Variants in AXIN2 observed in about 807,000 individuals in gnomAD.
The protein encoded by AXIN2 is axin 2.
Under a neutral mutation model 74.7 loss-of-function variants are expected in AXIN2, and 21 were observed. The observed-to-expected ratio is 0.28, with a 90% CI of 0.20 to 0.40. The LOEUF is 0.40. Ranked by LOEUF, AXIN2 falls within the 10% of genes least tolerant of loss-of-function variation. AXIN2 has a pLI of 1.00. For synonymous variants in AXIN2, 532 were observed against 454.9 expected, an observed-to-expected ratio of 1.17 and a Z score of -2.16; for missense variants, 1,144 against 1,111.1, an observed-to-expected ratio of 1.03 and a Z score of -0.42.
chr17:65,539,144 C>G (rs568288332), intron 4 of AXIN2, among the ~76,000 whole-genome samples: 2 of 152,282 alleles, frequency 1.3e-5, no homozygotes, highest in African/African-American at 4.8e-5. Flanking sequence ...CCCCTGCTGC[C>G]CAGCTTTCTG....
intron 4 of AXIN2, among the ~76,000 whole-genome samples, 154 bp from the exon 5 acceptor site, chr17:65,538,497 T>C (rs909858027): frequency 1.3e-5 from 2 of 151,884 alleles, no homozygotes; most frequent in Admixed American, 6.6e-5. Context: ...TCGGGACTTT[T>C]ATGCGCTAGC....
chr17:65,537,859 A>G (rs1490961425), intron 5 of AXIN2, 24 bp from the exon 6 acceptor site: 1 of 1,524,940 alleles, frequency 6.6e-7, no homozygotes, highest in East Asian at 2.3e-5. Flanking sequence ...CGTCAGAAGG[A>G]GAAGTGACCC....
rs551058477 is a variant in AXIN2, at chr17:65,560,066, G to C, written c.-116-1330C>G. 672 of 152,358 alleles carry C rather than the reference G, an allele frequency of 4.4e-3. 4 individuals are homozygous for C. Among genetic ancestry groups the C allele is most frequent in the Admixed American group, 8.0e-3 (123 of 15,312 alleles). The allele number at this position is 152,358 out of a possible 1,614,324, so 9.4% of individuals were successfully genotyped here. A position where few individuals can be genotyped will look rare whatever the true frequency, so the allele number is the denominator to read the frequency against. On this transcript the variant is annotated intron_variant, in intron 1 of 10. Transcript: ENST00000307078. The stretch of plus-strand genomic sequence containing the variant: ...TCCAGAGCCCTGGCGGGCACACCTC[G>C]AGGCCGGAACCCCGGGACACGCCAG...
intron 3 of AXIN2, among the ~76,000 whole-genome samples, chr17:65,544,393 C>G (rs923216557): frequency 6.8e-6 from 1 of 147,386 alleles, no homozygotes; most frequent in Non-Finnish European, 1.5e-5. Context: ...CCACCACCAC[C>G]ACCACACACA....
At position 65,537,690 on chromosome 17, in the gene AXIN2, G is replaced by C. The variant is rs1247527031; in HGVS notation, c.1346C>G (p.Thr449Ser). The C allele has an allele frequency of 2.6e-6, 4 of 1,557,422 alleles. No homozygotes were observed. Among genetic ancestry groups the C allele is most frequent in the Non-Finnish European group, 3.5e-6 (4 of 1,151,338 alleles). ...LDDHLSRVLKTPGCQSPGVGR... is the reference protein window; with the variant it reads ...LDDHLSRVLKSPGCQSPGVGR... ...TACGCCTGGAGACTGGCAGCCAGGG[G>C]TCTTGAGGACCCTGGACAGGTGATC... is the stretch of plus-strand genomic sequence containing the variant. Residue 449 changes from threonine (T) to serine (S), a missense_variant, in exon 6 of 11, where the codon ACC becomes AGC. Thr to Ser is a moderately conservative substitution (Grantham distance 58). Coordinates refer to ENST00000307078, the MANE Select transcript of AXIN2 (RefSeq NM_004655.4).
Position 65,558,607 on chromosome 17 carries a change from A to C in AXIN2, c.14T>G (p.Met5Arg), listed in dbSNP as rs730881397. ...GGGGTCCGGGAGGCAAGTCACCAACATAGCGCTACTCATGGTGAGGGAGCT... is the reference window on the plus strand; with the variant it reads ...GGGGTCCGGGAGGCAAGTCACCAACCTAGCGCTACTCATGGTGAGGGAGCT... MSSA[M>R]LVTCLPDPSS... The change falls in exon 2 of 11, where the codon ATG (methionine) becomes AGG (arginine). Residue 5 changes from methionine to arginine, a missense_variant. By Grantham distance (91) the Met-to-Arg change is moderately conservative (BLOSUM62 -1). Transcript: ENST00000307078. The C allele has an allele frequency of 6.2e-7, 1 of 1,607,790 alleles. No homozygotes were observed. The highest frequency in any genetic ancestry group is 8.5e-7 in the Non-Finnish European group (1 of 1,179,962).
In AXIN2 at chr17:65,534,065, T is replaced by C; in HGVS notation, c.2252A>G (p.Lys751Arg). 9 of 1,614,260 alleles carry C rather than the reference T, an allele frequency of 5.6e-6. No homozygotes were observed. Among genetic ancestry groups the C allele is most frequent in the Non-Finnish European group, 7.6e-6 (9 of 1,180,052 alleles). ...GAGCGCGTGGACACCTGCCAGTTTC[T>C]TTGGCTCTTTGTGACTGAAAATAAG... ...SLAPEDHKEP[K>R]KLAGVHALQA... Residue 751 changes from lysine to arginine, a missense_variant, in exon 10 of 11, where the codon AAG (lysine) becomes AGG (arginine). Coordinates refer to ENST00000307078, the MANE Select transcript of AXIN2 (RefSeq NM_004655.4).
intron 4 of AXIN2, among the ~76,000 whole-genome samples, chr17:65,539,684 A>G (rs562775761): frequency 6.6e-6 from 1 of 152,376 alleles, no homozygotes; most frequent in South Asian, 2.1e-4. Context: ...GAAGAGCTAT[A>G]GTTTGTGCAC....
rs1282733756 is a variant in AXIN2 at position 65,533,897 on chromosome 17, C to T, written c.2405+15G>A. Reference sequence around the variant, plus strand: ...CAAACAAACTGAGAGCAGAAAAAAGCCACAGGACTCTTACCTATAATTTCC... The same window carrying T: ...CAAACAAACTGAGAGCAGAAAAAAGTCACAGGACTCTTACCTATAATTTCC... On this transcript the variant is annotated intron_variant, in intron 10 of 10. Transcript: ENST00000307078. The T allele has an allele frequency of 5.7e-6, 9 of 1,568,624 alleles. No homozygotes were observed. The South Asian group carries it at 8.8e-5, about 15-fold the overall frequency.
At chr17:65,548,352 G>A (rs1339557089) in intron 3 of AXIN2, among the ~76,000 whole-genome samples, 1 of 152,178 alleles carries the variant, frequency 6.6e-6, no homozygotes, top group Non-Finnish European at 1.5e-5. Flanking sequence ...CCACAGGCCA[G>A]GCAACAGGAC....
intron 10 of AXIN2, among the ~76,000 whole-genome samples, chr17:65,530,815 A>C (rs1229816173): frequency 6.6e-6 from 1 of 151,812 alleles, no homozygotes; most frequent in Non-Finnish European, 1.5e-5. Flanking sequence ...AGGGTCAAAC[A>C]CCAAAGGCCC....
intron 1 of AXIN2, 54 bp from the exon 2 acceptor site, chr17:65,558,790 A>C: frequency 2.9e-6 from 2 of 690,176 alleles, no homozygotes; most frequent in Non-Finnish European, 5.0e-6. Flanking sequence ...TATTGATCTA[A>C]TCAAAACCAG....
At chr17:65,541,764 T>C (rs941653187) in intron 3 of AXIN2, among the ~76,000 whole-genome samples, 2 of 152,354 alleles carry the variant, frequency 1.3e-5, no homozygotes, top group Admixed American at 6.5e-5. Context: ...CAATCATCTA[T>C]GGAAACTTGG....
chr17:65,542,324 G>A (rs1336890392), intron 3 of AXIN2, among the ~76,000 whole-genome samples: 1 of 152,218 alleles, frequency 6.6e-6, no homozygotes. Flanking sequence ...AGGCAAGAGA[G>A]CAGTAGACAA....
intron 3 of AXIN2, among the ~76,000 whole-genome samples, chr17:65,546,142 C>T (rs531547220): frequency 5.4e-5 from 8 of 149,356 alleles, no homozygotes; most frequent in South Asian, 2.2e-4. Context: ...GCCATTGTGA[C>T]GGGAGAAACA....
chr17:65,529,058 G>A lies in AXIN2; in HGVS notation c.*918C>T, dbSNP rs551295186. On this transcript the variant is annotated 3_prime_UTR_variant, in exon 11 of 11. Coordinates refer to ENST00000307078, the MANE Select transcript of AXIN2 (RefSeq NM_004655.4). ...CAGGGGGTAGTTCCTGAATGGCTGT[G>A]GTCCAATGACTAATGTAAAACAAAA... is the stretch of plus-strand genomic sequence containing the variant. 3.8e-5 allele frequency: 9 copies of A among 236,042 alleles called. No homozygotes were observed. The highest frequency in any genetic ancestry group is 6.6e-5 in the African/African-American group (3 of 45,326). The allele number at this position is 236,042 out of a possible 1,614,324, so 14.6% of individuals were successfully genotyped here.
At chr17:65,559,018 G>A (rs532480298) in intron 1 of AXIN2, among the ~76,000 whole-genome samples, 5 of 152,190 alleles carry the variant, frequency 3.3e-5, no homozygotes, top group Middle Eastern at 3.4e-3. Context: ...GCTGGGGACG[G>A]CAGGGGGACA....
At position 65,529,447 on chromosome 17, in the gene AXIN2, T is replaced by C. The variant is rs1160405822; in HGVS notation, c.*529A>G. The C allele has an allele frequency of 1.1e-5, 3 of 268,478 alleles. No homozygotes were observed. Among genetic ancestry groups the C allele is most frequent in the Non-Finnish European group, 2.2e-5 (3 of 138,800 alleles). The allele number at this position is 268,478 out of a possible 1,614,324, so 16.6% of individuals were successfully genotyped here. A position where few individuals can be genotyped will look rare whatever the true frequency, so the allele number is the denominator to read the frequency against. On this transcript the variant is annotated 3_prime_UTR_variant, in exon 11 of 11. Transcript: ENST00000307078. ...TCTGTCTTCACTTGGAGGGACGTAG[T>C]GCAAAGCATAATTCCTCTGTTAGTG... is the stretch of plus-strand genomic sequence containing the variant.
rs201531372 is a variant in AXIN2, at chr17:65,557,998, G to T, written c.623C>A (p.Ala208Asp). The T allele has an allele frequency of 1.9e-6, 3 of 1,614,160 alleles. No individual in the cohort carries two copies. The highest frequency in any genetic ancestry group is 2.5e-6 in the Non-Finnish European group (3 of 1,180,042). The change falls in exon 2 of 11, where the codon GCT (alanine) becomes GAT (aspartate). Residue 208 changes from alanine to aspartate, a missense_variant. Physicochemically the swap from Ala to Asp is moderately radical, Grantham distance 126 (BLOSUM62 -2). Coordinates refer to ENST00000307078, the MANE Select transcript of AXIN2 (RefSeq NM_004655.4). ...EYVRSGGENTAYMSNGGLGSL... is the reference protein window; with the variant it reads ...EYVRSGGENTDYMSNGGLGSL... ...CCCGAGTCCCCCATTACTCATGTAAGCTGTGTTTTCTCCCCCACTCCTCAC... is the reference window on the plus strand; with the variant it reads ...CCCGAGTCCCCCATTACTCATGTAATCTGTGTTTTCTCCCCCACTCCTCAC...
Sources: allele counts gnomAD v4.1 joint callset (sites outside exome capture counted in the v4.1 genomes callset), GRCh38; gene constraint gnomAD v4.1.1; transcripts MANE v1.5; gene names NCBI Gene and HGNC (gene_info 2026-07-23, HGNC 2026-07-21).